Variants in PTPRM observed in about 807,000 individuals in gnomAD.
The protein encoded by PTPRM is receptor-type tyrosine-protein phosphatase mu.
In PTPRM, 47 loss-of-function variants were observed where a neutral mutation model predicts 186.7. The ratio of observed to expected loss-of-function variants is 0.25; its 90% confidence interval spans 0.20 to 0.32. PTPRM has a LOEUF of 0.32. PTPRM is among the 10% of genes least tolerant of loss of function. PTPRM has a pLI of 1.00. For synonymous variants in PTPRM, 668 were observed against 674.9 expected (o/e 0.99, Z 0.16); for missense variants, 1,494 against 1,865.0 (o/e 0.80, Z 3.66).
At chr18:8,078,215 T>C (rs2089935519) in intron 9 of PTPRM, among the ~76,000 whole-genome samples, 1 of 152,138 alleles carries the variant, frequency 6.6e-6, no homozygotes, top group African/African-American at 2.4e-5. Flanking sequence ...AGGTAGGTCT[T>C]AGGTGGAGTC....
At chr18:7,584,009 T>C (rs1463621799) in intron 1 of PTPRM, among the ~76,000 whole-genome samples, 6 of 151,980 alleles carry the variant, frequency 3.9e-5, no homozygotes, top group Admixed American at 6.6e-5. Context: ...TTTGAAGGAT[T>C]TAAAATAATC....
intron 20 of PTPRM, among the ~76,000 whole-genome samples, chr18:8,299,132 C>A (rs1355557335): frequency 6.6e-6 from 1 of 152,086 alleles, no homozygotes; most frequent in Non-Finnish European, 1.5e-5. Flanking sequence ...AGAGATCCTG[C>A]CCATTTGTCT....
chr18:8,011,189 T>C (rs1461652183), intron 7 of PTPRM, among the ~76,000 whole-genome samples: 1 of 152,166 alleles, frequency 6.6e-6, no homozygotes, highest in African/African-American at 2.4e-5. Flanking sequence ...GTTGAAATTA[T>C]ACAAGGACAG....
intron 32 of PTPRM, among the ~76,000 whole-genome samples, chr18:8,397,607 C>T (rs959210390): frequency 1.3e-5 from 2 of 152,170 alleles, no homozygotes; most frequent in East Asian, 1.9e-4. Flanking sequence ...CAACCAGCCT[C>T]AAGTCCCCAT....
rs1410394555 is a variant in PTPRM, at chr18:7,640,467, C to T, written c.73+72576C>T. ...TGCTTTTGGTTGCAAGTGTCAGAGT[C>T]CCCAGTTGAAACTAGTTTAAGTAAA... On this transcript the variant is annotated intron_variant, in intron 1 of 32. Transcript: ENST00000580170. 2.6e-5 allele frequency among the ~76,000 whole-genome samples: 4 copies of T among 152,058 alleles called. No homozygotes were observed. The East Asian group carries it at 7.7e-4, about 29-fold the overall frequency.
At chr18:7,697,975 G>T (rs1022245888) in intron 1 of PTPRM, among the ~76,000 whole-genome samples, 1 of 152,218 alleles carries the variant, frequency 6.6e-6, no homozygotes, top group Non-Finnish European at 1.5e-5. Context: ...TTGTTCTGTT[G>T]TAGTCAAGTT....
At chr18:8,118,627 C>G (rs1216300106) in intron 13 of PTPRM, among the ~76,000 whole-genome samples, 2 of 151,922 alleles carry the variant, frequency 1.3e-5, no homozygotes, top group East Asian at 3.9e-4. Context: ...TGGCGAAACC[C>G]CGTCTCTACT....
At position 8,076,510 on chromosome 18, in the gene PTPRM, A is replaced by G. The variant is rs149407641; in HGVS notation, c.1497A>G (p.Ile499Met). ...AAGGAAGTACCTTTGAAGAGAAGATATTTCTTCAGTGGAGAGAACCAACTC... is the reference window on the plus strand; with the variant it reads ...AAGGAAGTACCTTTGAAGAGAAGATGTTTCTTCAGTGGAGAGAACCAACTC... ...SIQGSTFEEK[I>M]FLQWREPTQT... is the part of the protein sequence containing the mutation. Residue 499 changes from isoleucine (I) to methionine (M), a missense_variant, in exon 9 of 33, where the codon ATA (isoleucine) becomes ATG (methionine). Ile to Met is a conservative substitution (Grantham distance 10). Around this residue, in one of 3 missense-constraint regions of PTPRM, gnomAD observed 1,107 missense variants for 1,350.2 expected, o/e 0.82. Coordinates refer to ENST00000580170, the MANE Select transcript of PTPRM (RefSeq NM_001105244.2). 1.7e-3 allele frequency: 2,711 copies of G among 1,610,298 alleles called. 4 individuals carry two copies. Among genetic ancestry groups the G allele is most frequent in the South Asian group, 2.4e-3 (220 of 90,796 alleles).
chr18:8,145,294 A>C (rs1185075735), intron 14 of PTPRM, among the ~76,000 whole-genome samples: 1 of 152,174 alleles, frequency 6.6e-6, no homozygotes, highest in Non-Finnish European at 1.5e-5. Flanking sequence ...GGGGCACTAA[A>C]AATGGAGAGT....
At position 7,871,259 on chromosome 18, in the gene PTPRM, T is replaced by G. The variant is rs142725928; in HGVS notation, c.197-16847T>G. Among the ~76,000 whole-genome samples, 236 of 152,316 alleles carry G rather than the reference T, an allele frequency of 1.5e-3. 1 individual carries two copies. The highest frequency in any genetic ancestry group is 5.4e-3 in the African/African-American group (226 of 41,574). The stretch of plus-strand genomic sequence containing the variant: ...AATGAAGTTTGGACAGTGAATAAAG[T>G]ATCTTCCTCTACCCTCCAAGGTATT... On this transcript the variant is annotated intron_variant, in intron 2 of 32. Coordinates refer to ENST00000580170, the MANE Select transcript of PTPRM (RefSeq NM_001105244.2).
At chr18:8,023,166 T>A (rs1353308199) in intron 7 of PTPRM, among the ~76,000 whole-genome samples, 2 of 151,908 alleles carry the variant, frequency 1.3e-5, no homozygotes, top group Non-Finnish European at 2.9e-5. Context: ...GTGGATGGGA[T>A]AAGCCAGGCT....
intron 1 of PTPRM, among the ~76,000 whole-genome samples, chr18:7,698,418 A>G (rs183528961): frequency 5.3e-5 from 8 of 152,304 alleles, no homozygotes; most frequent in Non-Finnish European, 8.8e-5. Context: ...CAATTTAGTA[A>G]ACCTCTCAAT....
chr18:7,865,774 G>A (rs776186839), intron 2 of PTPRM, among the ~76,000 whole-genome samples: 3 of 152,092 alleles, frequency 2.0e-5, no homozygotes, highest in Non-Finnish European at 2.9e-5. Flanking sequence ...GCTCCTTTTG[G>A]TACTTCTGAT....
chr18:8,289,788 G>A (rs2095022001), intron 19 of PTPRM, among the ~76,000 whole-genome samples: 1 of 151,790 alleles, frequency 6.6e-6, no homozygotes, highest in African/African-American at 2.4e-5. Flanking sequence ...TTTCACGTTG[G>A]ATTAAGTTGC....
chr18:8,126,027 A>ATATATATTTT (rs57751538), intron 13 of PTPRM, among the ~76,000 whole-genome samples: 11 of 69,520 alleles, frequency 1.6e-4, no homozygotes, highest in South Asian at 5.5e-4. Flanking sequence ...ATATATATAT[A>ATATATATTTT]TTTTAAATCA....
At chr18:8,139,493 A>G (rs747473044) in intron 13 of PTPRM, among the ~76,000 whole-genome samples, 11 of 152,196 alleles carry the variant, frequency 7.2e-5, no homozygotes, top group African/African-American at 2.7e-4. Flanking sequence ...GTTGTTGAAT[A>G]TAAGCCAGAT....
chr18:7,574,559 G>T (rs996691514), intron 1 of PTPRM, among the ~76,000 whole-genome samples: 2 of 152,180 alleles, frequency 1.3e-5, no homozygotes, highest in African/African-American at 4.8e-5. Context: ...AGCAGGTATA[G>T]TTACCACACT....
chr18:7,717,179 T>C (rs2040352717), intron 1 of PTPRM, among the ~76,000 whole-genome samples: 2 of 152,140 alleles, frequency 1.3e-5, no homozygotes, highest in Admixed American at 1.3e-4. Context: ...AACCTGAAAC[T>C]GTGAGGACTT....
Position 7,705,325 on chromosome 18 carries a change from ATCT to A in PTPRM, c.74-68823_74-68821del, listed in dbSNP as rs1568041096. Among the ~76,000 whole-genome samples the A allele has an allele frequency of 5.3e-4, 75 of 140,246 alleles. 1 individual carries two copies. The highest frequency in any genetic ancestry group is 3.9e-3 in the Admixed American group (54 of 13,674). The allele number at this position is 140,246 out of a possible 152,430, so 92.0% of individuals were successfully genotyped here. ...TATCTATCTATCTATCTATCTATCTATCTGTCTATCTAGCTAGCTAGCTAGCTA... is the reference window on the plus strand; with the variant it reads ...TATCTATCTATCTATCTATCTATCTAGTCTATCTAGCTAGCTAGCTAGCTA... On this transcript the variant is annotated intron_variant, in intron 1 of 32. Transcript: ENST00000580170.
Sources: gnomAD v4.1 joint callset for allele counts (sites outside exome capture counted in the v4.1 genomes callset) on GRCh38, gnomAD v4.1.1 for gene constraint, gnomAD v4.1.1 regional missense constraint, MANE v1.5 for transcripts, NCBI Gene and HGNC (gene_info 2026-07-23, HGNC 2026-07-21) for gene names.